The following ZMYM2 variants were observed in gnomAD, a reference collection of about 807,000 sequenced individuals.
The protein encoded by ZMYM2 is zinc finger MYM-type protein 2.
ZMYM2 carries 56 observed loss-of-function variants against 162.8 expected under a neutral mutation model. The observed-to-expected ratio is 0.34, with a 90% confidence interval of 0.28 to 0.43. The LOEUF is 0.43. ZMYM2 is among the 20% of genes least tolerant of loss of function. ZMYM2 has a pLI of 1.00. For missense variants in ZMYM2, 1,275 were observed against 1,621.8 expected, an observed-to-expected ratio of 0.79 and a Z score of 3.67; for synonymous variants, 510 against 541.6, an observed-to-expected ratio of 0.94 and a Z score of 0.81.
At position 20,051,507 on chromosome 13, in the gene ZMYM2, T is replaced by C. The variant is rs375061678; in HGVS notation, c.2367T>C (p.His789=). ...ERVQWRGEMK[H]FCDQHCLLRF... is the part of the protein sequence containing the mutation. The stretch of plus-strand genomic sequence containing the variant: ...TTCAGTGGCGTGGGGAAATGAAACA[T>C]TTCTGTGATCAACATTGCTTACTGC... The change falls in exon 13 of 25, where the codon CAT becomes CAC. Residue 789 remains histidine (H), a synonymous_variant. Transcript: ENST00000610343. The C allele has an allele frequency of 6.2e-7, 1 of 1,613,642 alleles. No individual in the cohort carries two copies. The highest frequency in any genetic ancestry group is 8.5e-7 in the Non-Finnish European group (1 of 1,179,646).
At chr13:19,934,135 C>G in the ZMYM2 span, among the ~76,000 whole-genome samples, 582 of 151,988 alleles carry the variant, frequency 3.8e-3, 1 homozygote, top group Non-Finnish European at 7.0e-3. Context: ...TGGTAGTTGT[C>G]TTTAGAATTC....
At chr13:20,049,985 G>A (rs551519536) in intron 12 of ZMYM2, among the ~76,000 whole-genome samples, 3 of 151,996 alleles carry the variant, frequency 2.0e-5, no homozygotes, top group East Asian at 3.9e-4. Context: ...TGGTTATTTC[G>A]AAGAACAGTC....
chr13:20,073,510 T>A (rs1284286562), intron 21 of ZMYM2, among the ~76,000 whole-genome samples: 1 of 152,198 alleles, frequency 6.6e-6, no homozygotes, highest in Non-Finnish European at 1.5e-5. Flanking sequence ...GTTGTATTAT[T>A]TCCTTTCTTA....
the ZMYM2 span, among the ~76,000 whole-genome samples, chr13:19,892,316 G>A: frequency 6.6e-6 from 1 of 151,534 alleles, no homozygotes; most frequent in Non-Finnish European, 1.5e-5. Flanking sequence ...CTGTCGCCCA[G>A]GCTGGAGTGC....
At chr13:19,895,466 G>C in the ZMYM2 span, among the ~76,000 whole-genome samples, 115,197 of 151,734 alleles carry the variant, frequency 0.76, 47,388 homozygotes, top group East Asian at 0.92. Context: ...AGAGGTAGGG[G>C]CATCTCATGA....
chr13:19,904,540 A>G, the ZMYM2 span, among the ~76,000 whole-genome samples: 2 of 152,176 alleles, frequency 1.3e-5, no homozygotes, highest in Non-Finnish European at 2.9e-5. Flanking sequence ...CCTGGGCAAC[A>G]AGAGTGAAAC....
At chr13:19,891,140 G>A in the ZMYM2 span, among the ~76,000 whole-genome samples, 1 of 151,886 alleles carries the variant, frequency 6.6e-6, no homozygotes, top group African/African-American at 2.4e-5. Flanking sequence ...AGGTAATTAA[G>A]GTTAAGTGAA....
At chr13:20,076,639 T>G (rs1450767936) in intron 21 of ZMYM2, among the ~76,000 whole-genome samples, 1 of 150,236 alleles carries the variant, frequency 6.7e-6, no homozygotes, top group Non-Finnish European at 1.5e-5. Context: ...TTAAGTCTTT[T>G]ATATGGAGGG....
intron 24 of ZMYM2, among the ~76,000 whole-genome samples, chr13:20,084,471 T>C (rs1178198710): frequency 1.3e-5 from 2 of 152,218 alleles, no homozygotes; most frequent in Non-Finnish European, 2.9e-5. Flanking sequence ...ATATACTATA[T>C]ATAAATTCAT....
intron 15 of ZMYM2, 141 bp downstream of exon 15, chr13:20,058,845 T>C: frequency 9.1e-7 from 1 of 1,101,262 alleles, no homozygotes; most frequent in Non-Finnish European, 1.4e-6. Flanking sequence ...TTACGTAATT[T>C]TAGATATTAC....
At chr13:20,041,212 C>CT (rs1168344241) in intron 12 of ZMYM2, among the ~76,000 whole-genome samples, 10 of 152,190 alleles carry the variant, frequency 6.6e-5, no homozygotes, top group Non-Finnish European at 1.3e-4. Context: ...TTGTACATCT[C>CT]TAAGAACTTC....
chr13:20,008,712 A>G (rs1302394557), intron 6 of ZMYM2, among the ~76,000 whole-genome samples: 3 of 152,200 alleles, frequency 2.0e-5, no homozygotes, highest in African/African-American at 7.2e-5. Flanking sequence ...ATTGATATTT[A>G]TAAGTAAGAT....
chr13:20,043,420 T>C (rs1276253438), intron 12 of ZMYM2, among the ~76,000 whole-genome samples: 3 of 152,296 alleles, frequency 2.0e-5, no homozygotes, highest in East Asian at 3.9e-4. Flanking sequence ...CCTCCCAGCC[T>C]GCACTTGCCA....
At chr13:20,004,445 C>T (rs1228765223) in intron 4 of ZMYM2, among the ~76,000 whole-genome samples, 1 of 151,906 alleles carries the variant, frequency 6.6e-6, no homozygotes, top group African/African-American at 2.4e-5. Context: ...TTAGTAGAGA[C>T]GGGGTTTCAC....
intron 2 of ZMYM2, among the ~76,000 whole-genome samples, chr13:19,978,454 T>C (rs59883944): frequency 0.049 from 7,437 of 152,102 alleles, 572 homozygotes; most frequent in African/African-American, 0.16. Flanking sequence ...TTTGCTCTTG[T>C]TGCCCAGGCT....
the ZMYM2 span, among the ~76,000 whole-genome samples, chr13:19,948,880 C>T: frequency 5.3e-5 from 8 of 152,174 alleles, no homozygotes; most frequent in Non-Finnish European, 8.8e-5. Context: ...TAACAATTAT[C>T]CTTACATGCA....
At chr13:19,991,621 T>C (rs1181559072) in intron 2 of ZMYM2, among the ~76,000 whole-genome samples, 1 of 58,232 alleles carries the variant, frequency 1.7e-5, no homozygotes, top group Admixed American at 3.1e-4. Context: ...TTCTTTTCTT[T>C]TTCTTTTTTT....
intron 21 of ZMYM2, among the ~76,000 whole-genome samples, chr13:20,072,558 G>A (rs1229745808): frequency 2.0e-5 from 3 of 152,070 alleles, no homozygotes; most frequent in African/African-American, 7.2e-5. Flanking sequence ...TTAAAAAAGA[G>A]TTGGGAAATA....
intron 2 of ZMYM2, among the ~76,000 whole-genome samples, chr13:19,964,045 T>A (rs1955518931): frequency 6.6e-6 from 1 of 152,228 alleles, no homozygotes; most frequent in Non-Finnish European, 1.5e-5. Context: ...ATTAATGTTC[T>A]GTAAATATTC....
Sources: allele counts gnomAD v4.1 joint callset (sites outside exome capture counted in the v4.1 genomes callset), GRCh38; gene constraint gnomAD v4.1.1; transcripts MANE v1.5; gene names NCBI Gene and HGNC (gene_info 2026-07-23, HGNC 2026-07-21).